KRT76: variants seen among roughly 807,000 people sequenced by gnomAD.
KRT76 encodes the protein keratin, type II cytoskeletal 2 oral.
A neutral mutation model predicts 44.9 loss-of-function variants in KRT76; 47 were observed. The ratio of observed to expected loss-of-function variants is 1.05; its 90% CI spans 0.83 to 1.33. The LOEUF (loss-of-function observed/expected upper bound fraction) is 1.33, where lower values mean the gene tolerates loss of function less well. Ranked by LOEUF, KRT76 falls within the 40% of genes most tolerant of loss-of-function variation. KRT76 has a pLI of 0.00. For synonymous variants in KRT76, 331 were observed against 294.1 expected, an observed-to-expected ratio of 1.13 and a Z score of -1.28; for missense variants, 860 against 775.8, an observed-to-expected ratio of 1.11 and a Z score of -1.29.
Position 52,771,184 on chromosome 12 carries a change from C to G in KRT76, c.1299G>C (p.Glu433Asp), listed in dbSNP as rs1162489542. The G allele has an allele frequency of 6.2e-7, 1 of 1,614,214 alleles. No homozygotes were observed. Among genetic ancestry groups the G allele is most frequent in the South Asian group, 1.1e-5 (1 of 91,084 alleles). ...ANLQTAIAEA[E>D]QRGEMALKDA... ...CCTTGAGGGCCATCTCTCCACGCTG[C>G]TCAGCCTCTGCAATTGCCGTCTGCA... The change falls in exon 7 of 9, where the codon GAG becomes GAC. Residue 433 changes from glutamate to aspartate, a missense_variant. Physicochemically the swap from Glu to Asp is conservative, Grantham distance 45. Coordinates refer to ENST00000332411, the MANE Select transcript of KRT76 (RefSeq NM_015848.4).
At chr12:52,775,661 C>G in intron 1 of KRT76, 59 bp from the exon 2 acceptor site, 2 of 1,379,616 alleles carry the variant, frequency 1.4e-6, no homozygotes, top group South Asian at 2.4e-5. Context: ...TGGGGCTGCC[C>G]ATCCCAAATG....
At chr12:52,770,928 G>A in intron 7 of KRT76, 71 bp downstream of exon 7, 2 of 1,588,302 alleles carry the variant, frequency 1.3e-6, no homozygotes, top group Non-Finnish European at 8.6e-7. Context: ...TTATCATCTT[G>A]CCCCCTTTCC....
intron 1 of KRT76, 89 bp from the exon 2 acceptor site, chr12:52,775,691 C>G: frequency 1.0e-6 from 1 of 963,542 alleles, no homozygotes. Context: ...GGAGAAGGAA[C>G]CCAGTTCTTC....
Position 52,769,584 on chromosome 12 carries a change from C to A in KRT76, c.1485-1G>T. On this transcript the variant is annotated splice_acceptor_variant, in intron 7 of 8. Transcript: ENST00000332411. LOFTEE classifies it high-confidence loss of function. ...GGCACTCTGACATTCTCCAGACATC[C>A]TGAAAAGGAAGAGGAGAGGTGAATT... The A allele has an allele frequency of 2.5e-6, 4 of 1,613,568 alleles. No individual in the cohort carries two copies. The highest frequency in any genetic ancestry group is 3.4e-6 in the Non-Finnish European group (4 of 1,179,492).
intron 7 of KRT76, among the ~76,000 whole-genome samples, 156 bp downstream of exon 7, chr12:52,770,843 A>G (rs992440663): frequency 6.6e-6 from 1 of 152,236 alleles, no homozygotes; most frequent in Non-Finnish European, 1.5e-5. Flanking sequence ...CTTGATGGAC[A>G]TAAAATAGTG....
intron 7 of KRT76, 67 bp downstream of exon 7, chr12:52,770,932 C>T: frequency 1.2e-6 from 2 of 1,600,456 alleles, no homozygotes; most frequent in Non-Finnish European, 1.7e-6. Flanking sequence ...CATCTTGCCC[C>T]CTTTCCACAT....
chr12:52,772,887 G>A lies in KRT76; in HGVS notation c.877-9C>T. 2 of 1,609,648 alleles carry A rather than the reference G, an allele frequency of 1.2e-6. No homozygotes were observed. Among genetic ancestry groups the A allele is most frequent in the Non-Finnish European group, 1.7e-6 (2 of 1,175,998 alleles). The stretch of plus-strand genomic sequence containing the variant: ...AAAGCCGCATCCACATCCTGCAGAG[G>A]AGGTCAGAAACCCAGAGAATGACCC... On this transcript the variant is annotated splice_polypyrimidine_tract_variant and intron_variant, in intron 3 of 8. Coordinates refer to ENST00000332411, the MANE Select transcript of KRT76 (RefSeq NM_015848.4).
Position 52,768,805 on chromosome 12 carries a change from C to T in KRT76, c.1825G>A (p.Gly609Arg). 6.2e-7 allele frequency: 1 copy of T among 1,613,954 alleles called. No homozygotes were observed. The highest frequency in any genetic ancestry group is 8.5e-7 in the Non-Finnish European group (1 of 1,179,908). Residue 609 changes from glycine (G) to arginine (R), a missense_variant, in exon 9 of 9, where the codon GGA (glycine) becomes AGA (arginine). By Grantham distance (125) the Gly-to-Arg change is moderately radical (BLOSUM62 -2). Coordinates refer to ENST00000332411, the MANE Select transcript of KRT76 (RefSeq NM_015848.4). ...CCACCAGACTTGTAGCCACTTCCTC[C>T]AGAAGTCTGGATGCTGCCAGAGCTG... Reference protein sequence around the residue: ...GSSSGSIQTSGGSGYKSGGGG... With the variant: ...GSSSGSIQTSRGSGYKSGGGG...
chr12:52,774,361 C>G (rs1279059787), intron 2 of KRT76, among the ~76,000 whole-genome samples: 1 of 152,296 alleles, frequency 6.6e-6, no homozygotes, highest in East Asian at 1.9e-4. Context: ...GCATATGGAA[C>G]CCAGTGAAAT....
Position 52,772,159 on chromosome 12 carries a change from G to A in KRT76, c.1072C>T (p.Arg358Cys), listed in dbSNP as rs145617591. The part of the protein sequence containing the change: ...LDLGSIIAEV[R>C]AQYEEIAQRS... ...TGGGCAATCTCCTCATACTGGGCGCGGACCTCGGCAATGATGCTGCCCAGG... is the reference window on the plus strand; with the variant it reads ...TGGGCAATCTCCTCATACTGGGCGCAGACCTCGGCAATGATGCTGCCCAGG... The change falls in exon 5 of 9, where the codon CGC becomes TGC. Residue 358 changes from arginine to cysteine, a missense_variant. Arg to Cys is a radical substitution (Grantham distance 180, BLOSUM62 -3). Coordinates refer to ENST00000332411, the MANE Select transcript of KRT76 (RefSeq NM_015848.4). 161 of 1,613,722 alleles carry A rather than the reference G, an allele frequency of 1.0e-4. 1 individual carries two copies. The highest frequency in any genetic ancestry group is 1.1e-4 in the Non-Finnish European group (131 of 1,179,716).
At chr12:52,771,510 C>T (rs1449150176) in intron 6 of KRT76, among the ~76,000 whole-genome samples, 2 of 152,182 alleles carry the variant, frequency 1.3e-5, no homozygotes, top group Admixed American at 1.3e-4. Flanking sequence ...GTTAAAAACT[C>T]TCTTGCCTAA....
At position 52,777,082 on chromosome 12, in the gene KRT76, G is replaced by A. The variant is rs575273672; in HGVS notation, c.210C>T (p.Ser70=). 23 of 1,614,172 alleles carry A rather than the reference G, an allele frequency of 1.4e-5. No individual in the cohort carries two copies. The highest frequency in any genetic ancestry group is 2.7e-5 in the African/African-American group (2 of 75,044). The change falls in exon 1 of 9, where the codon AGC becomes AGT. Residue 70 remains serine (S), a synonymous_variant. Coordinates refer to ENST00000332411, the MANE Select transcript of KRT76 (RefSeq NM_015848.4). ...CAGCCCGGGAGCTGCCAGCTGCCACGCTGATGGAGATGCTCTTGTTGCTGC... is the reference window on the plus strand; with the variant it reads ...CAGCCCGGGAGCTGCCAGCTGCCACACTGATGGAGATGCTCTTGTTGCTGC... The part of the protein sequence containing the change: ...NLGSNKSISI[S]VAAGSSRAGG...
chr12:52,776,197 C>T (rs1319335927), intron 1 of KRT76, among the ~76,000 whole-genome samples: 1 of 152,200 alleles, frequency 6.6e-6, no homozygotes, highest in Non-Finnish European at 1.5e-5. Context: ...AGAACACCCT[C>T]CTCTGCCCCA....
At chr12:52,773,463 A>G in intron 3 of KRT76, 119 bp downstream of exon 3, 1 of 625,928 alleles carries the variant, frequency 1.6e-6, no homozygotes, top group East Asian at 2.6e-5. Context: ...TGTAAGGAAA[A>G]GTGTCAATCC....
chr12:52,777,026 C>T lies in KRT76; in HGVS notation c.266G>A (p.Gly89Asp), dbSNP rs536179360. 7.4e-6 allele frequency: 12 copies of T among 1,613,964 alleles called. No individual in the cohort carries two copies. Among genetic ancestry groups the T allele is most frequent in the Non-Finnish European group, 9.3e-6 (11 of 1,179,922 alleles). ...GGFGGGRSSC[G>D]FAGGYGGGFG... ...GCCACCTCCATAGCCACCTGCAAAG[C>T]CACAGCTGCTCCGCCCTCCCCCAAA... Residue 89 changes from glycine (G) to aspartate (D), a missense_variant, in exon 1 of 9, where the codon GGC becomes GAC. By Grantham distance (94) the Gly-to-Asp change is moderately conservative. Transcript: ENST00000332411.
In KRT76 at chr12:52,771,859, AC is replaced by A. The variant is rs1397219946; in HGVS notation, c.1263+11del. The stretch of plus-strand genomic sequence containing the variant: ...AAGACCTCTGGGATCTCTCCGTTAA[AC>A]CCAGCCCCACCTGCTTCTTGACATT... On this transcript the variant is annotated intron_variant, in intron 6 of 8. Transcript: ENST00000332411. 3 of 1,612,012 alleles carry A rather than the reference AC, an allele frequency of 1.9e-6. No homozygotes were observed. In the African/African-American group the frequency reaches 4.0e-5, roughly 22 times the overall value.
rs200447922 is a variant in KRT76, at chr12:52,774,772, TGTGGGTTCTGATCCCTGGGGAA to T, written c.815+594_815+615del. On this transcript the variant is annotated intron_variant, in intron 2 of 8. Transcript: ENST00000332411. ...TCTGCAGAGCAGGTGTGCCCGTCCC[TGTGGGTTCTGATCCCTGGGGAA>T]GTCGGGAGCTCCCTCCCACCTTGAG... Among the ~76,000 whole-genome samples, 153 of 152,350 alleles carry T rather than the reference TGTGGGTTCTGATCCCTGGGGAA, an allele frequency of 1.0e-3. 5 individuals are homozygous for T. In the East Asian group the frequency reaches 0.025, roughly 25 times the overall value.
chr12:52,771,492 G>A (rs944166319), intron 6 of KRT76, among the ~76,000 whole-genome samples: 1 of 151,944 alleles, frequency 6.6e-6, no homozygotes, highest in African/African-American at 2.4e-5. Flanking sequence ...AATCTTTTTT[G>A]CAAGACTGTT....
Position 52,776,777 on chromosome 12 carries a change from A to T in KRT76, c.515T>A (p.Ile172Asn). 6.2e-7 allele frequency: 1 copy of T among 1,614,066 alleles called. No homozygotes were observed. Among genetic ancestry groups the T allele is most frequent in the African/African-American group, 1.3e-5 (1 of 74,998 alleles). Residue 172 changes from isoleucine (I) to asparagine (N), a missense_variant, in exon 1 of 9, where the codon ATC becomes AAC. By Grantham distance (149) the Ile-to-Asn change is moderately radical. Transcript: ENST00000332411. ...QSLLQPLNVE[I>N]DPQIGQVKAQ... is the part of the protein sequence containing the mutation. Reference sequence around the variant, plus strand: ...CTTTACTTGCCCAATCTGGGGGTCGATCTCCACATTGAGGGGCTGCAGGAG... The same window carrying T: ...CTTTACTTGCCCAATCTGGGGGTCGTTCTCCACATTGAGGGGCTGCAGGAG...
Sources: allele counts gnomAD v4.1 joint callset (sites outside exome capture counted in the v4.1 genomes callset), GRCh38; gene constraint gnomAD v4.1.1; transcripts MANE v1.5; gene names NCBI Gene and HGNC (gene_info 2026-07-23, HGNC 2026-07-21).